The following EFR3A variants were observed in gnomAD, a reference collection of about 807,000 sequenced individuals.
The protein encoded by EFR3A is protein EFR3 homolog A.
In EFR3A, 76 loss-of-function variants were observed where a neutral mutation model predicts 104.4. The ratio of observed to expected loss-of-function variants is 0.73; its 90% CI spans 0.60 to 0.88. EFR3A has a LOEUF of 0.88. EFR3A is among the 40% of genes least tolerant of loss of function. The pLI is 0.00. For missense variants in EFR3A, 985 were observed against 1,012.5 expected, an observed-to-expected ratio of 0.97 and a Z score of 0.37; for synonymous variants, 330 against 330.0, an observed-to-expected ratio of 1.00 and a Z score of 0.00.
intron 1 of EFR3A, 158 bp from the exon 2 acceptor site, chr8:131,940,341 T>G: frequency 1.3e-6 from 1 of 747,542 alleles, no homozygotes; most frequent in South Asian, 2.3e-5. Flanking sequence ...AATTTAACTT[T>G]GTCTTTTCTT....
rs533681606 is a variant in EFR3A, at chr8:131,967,857, C to G, written c.856-438C>G. Among the ~76,000 whole-genome samples, 277 of 151,772 alleles carry G rather than the reference C, an allele frequency of 1.8e-3. 2 individuals carry two copies. The highest frequency in any genetic ancestry group is 6.5e-3 in the African/African-American group (268 of 41,364). On this transcript the variant is annotated intron_variant, in intron 8 of 22. Coordinates refer to ENST00000254624, the MANE Select transcript of EFR3A (RefSeq NM_015137.6). ...GTTAAATAGTATTTATCTAGTTTGG[C>G]TATGGGAAAATACTGTGAATGTCAT...
intron 14 of EFR3A, 62 bp from the exon 15 acceptor site, chr8:131,984,077 T>G (rs1427089608): frequency 6.8e-7 from 1 of 1,475,892 alleles, no homozygotes; most frequent in Non-Finnish European, 9.1e-7. Flanking sequence ...TATATGCATG[T>G]GAAATCTGCC....
At position 131,978,940 on chromosome 8, in the gene EFR3A, G is replaced by T. The variant is rs770383245; in HGVS notation, c.1420G>T (p.Glu474Ter). 3 of 1,613,074 alleles carry T rather than the reference G, an allele frequency of 1.9e-6. No individual in the cohort carries two copies. The highest frequency in any genetic ancestry group is 1.7e-6 in the Non-Finnish European group (2 of 1,179,216). ...ATCACCATCTCTCATGGAGGACTAC[G>T]AACTGAGACAGTTGGTCTTGGAAGT... is the stretch of plus-strand genomic sequence containing the variant. ...LLSPSLMEDY[E>*]LRQLVLEVMH... Residue 474 changes from glutamate (E) to a stop codon, truncating the protein, a stop_gained, in exon 13 of 23, where the codon GAA (glutamate) becomes TAA (stop). Coordinates refer to ENST00000254624, the MANE Select transcript of EFR3A (RefSeq NM_015137.6). LOFTEE classifies it high-confidence loss of function.
intron 1 of EFR3A, among the ~76,000 whole-genome samples, chr8:131,910,675 G>A (rs543805349): frequency 8.5e-5 from 13 of 152,282 alleles, no homozygotes; most frequent in South Asian, 2.1e-4. Context: ...TCTGTGTTTC[G>A]CAGGGCAGAG....
chr8:131,979,247 C>G, intron 13 of EFR3A, 99 bp from the exon 14 acceptor site: 1 of 1,051,640 alleles, frequency 9.5e-7, no homozygotes, highest in Non-Finnish European at 1.4e-6. Flanking sequence ...TACATACAGG[C>G]TTATCAAACT....
chr8:131,953,728 A>G, intron 5 of EFR3A, 90 bp from the exon 6 acceptor site: 1 of 1,149,324 alleles, frequency 8.7e-7, no homozygotes. Context: ...AACAGTATTT[A>G]CTTGATATCC....
intron 2 of EFR3A, 83 bp downstream of exon 2, chr8:131,940,658 C>A (rs1379581043): frequency 6.0e-6 from 9 of 1,498,772 alleles, no homozygotes; most frequent in Non-Finnish European, 8.0e-6. Context: ...TCCCTAATTT[C>A]ATTTCTCTAC....
intron 7 of EFR3A, among the ~76,000 whole-genome samples, chr8:131,956,530 T>A (rs1819005569): frequency 6.6e-6 from 1 of 152,214 alleles, no homozygotes; most frequent in African/African-American, 2.4e-5. Flanking sequence ...TATAATATTC[T>A]GTGTAATTTC....
chr8:131,915,448 A>AT (rs1816701429), intron 1 of EFR3A, among the ~76,000 whole-genome samples: 1 of 152,276 alleles, frequency 6.6e-6, no homozygotes, highest in Admixed American at 6.5e-5. Context: ...CTTAGCAAAT[A>AT]TTTTTGGGCC....
At chr8:131,944,640 C>A in intron 2 of EFR3A, 105 bp from the exon 3 acceptor site, 1 of 1,111,686 alleles carries the variant, frequency 9.0e-7, no homozygotes, top group Non-Finnish European at 1.2e-6. Context: ...ACATAAATAT[C>A]GTTTAATCCC....
chr8:131,988,143 T>G (rs910811674), intron 18 of EFR3A, among the ~76,000 whole-genome samples: 8 of 151,278 alleles, frequency 5.3e-5, no homozygotes, highest in Non-Finnish European at 8.8e-5. Context: ...CTTTTTGAGT[T>G]AGGAATTTTT....
chr8:131,944,495 A>G (rs1818322694), intron 2 of EFR3A, among the ~76,000 whole-genome samples: 2 of 152,080 alleles, frequency 1.3e-5, no homozygotes, highest in South Asian at 4.1e-4. Flanking sequence ...CTATGTCTCT[A>G]TAAAGGAAGA....
chr8:131,934,857 A>T (rs1817797794), intron 1 of EFR3A, among the ~76,000 whole-genome samples: 1 of 152,138 alleles, frequency 6.6e-6, no homozygotes, highest in Non-Finnish European at 1.5e-5. Context: ...GTACCTGGAA[A>T]GGATATGTGT....
intron 22 of EFR3A, among the ~76,000 whole-genome samples, chr8:132,010,407 G>GATATACATATATATATATATAT (rs1554610360): frequency 2.1e-4 from 17 of 81,888 alleles, no homozygotes; most frequent in African/African-American, 8.3e-4. Flanking sequence ...TCAAGTATGA[G>GATATACATATATATATATATAT]ATATATATAT....
At chr8:131,984,523 G>A (rs1820778659) in intron 15 of EFR3A, among the ~76,000 whole-genome samples, 2 of 152,184 alleles carry the variant, frequency 1.3e-5, no homozygotes, top group African/African-American at 2.4e-5. Context: ...TAGGGATATA[G>A]TGTGATGAAG....
intron 18 of EFR3A, among the ~76,000 whole-genome samples, chr8:131,994,911 A>G (rs144462925): frequency 4.0e-4 from 61 of 152,270 alleles, no homozygotes; most frequent in African/African-American, 1.4e-3. Flanking sequence ...AGAGAGTTAG[A>G]AGTCCTGGGA....
At chr8:131,914,315 C>G (rs568909072) in intron 1 of EFR3A, among the ~76,000 whole-genome samples, 2 of 152,322 alleles carry the variant, frequency 1.3e-5, no homozygotes, top group South Asian at 2.1e-4. Flanking sequence ...CCCCTTTTCC[C>G]TTGGTTCCAT....
intron 18 of EFR3A, among the ~76,000 whole-genome samples, chr8:131,988,269 A>C (rs1014261390): frequency 6.6e-6 from 1 of 152,100 alleles, no homozygotes; most frequent in Non-Finnish European, 1.5e-5. Context: ...TACTGTAAAA[A>C]TTAAAATCAA....
intron 1 of EFR3A, among the ~76,000 whole-genome samples, chr8:131,933,692 T>C (rs950827308): frequency 6.6e-6 from 1 of 152,108 alleles, no homozygotes; most frequent in Non-Finnish European, 1.5e-5. Context: ...ACATGATTAC[T>C]AATAAGTAGG....
Sources: allele counts gnomAD v4.1 joint callset (sites outside exome capture counted in the v4.1 genomes callset), GRCh38; gene constraint gnomAD v4.1.1; transcripts MANE v1.5; gene names NCBI Gene and HGNC (gene_info 2026-07-23, HGNC 2026-07-21).